CSMD1: variants seen among roughly 807,000 people sequenced by gnomAD.
CSMD1 encodes CUB and sushi domain-containing protein 1.
In CSMD1, 213 loss-of-function variants were observed where a neutral mutation model predicts 417.5. The observed-to-expected ratio is 0.51, with a 90% CI of 0.46 to 0.57. CSMD1 has a LOEUF of 0.57. Among genes scored for constraint, CSMD1 ranks in the 20% least tolerant of loss-of-function variants. CSMD1 has a pLI of 0.00. For missense variants in CSMD1, 6,923 were observed against 4,529.7 expected, an observed-to-expected ratio of 1.53 and a Z score of -15.17; for synonymous variants, 2,862 against 1,736.8, an observed-to-expected ratio of 1.65 and a Z score of -16.11.
At chr8:4,399,622 C>G (rs1425532272) in intron 3 of CSMD1, among the ~76,000 whole-genome samples, 2 of 152,010 alleles carry the variant, frequency 1.3e-5, no homozygotes, top group Non-Finnish European at 2.9e-5. Flanking sequence ...TAACACCATC[C>G]TAGATGTCAA....
At chr8:2,986,439 T>G (rs1015381110) in intron 54 of CSMD1, among the ~76,000 whole-genome samples, 9 of 152,132 alleles carry the variant, frequency 5.9e-5, no homozygotes, top group African/African-American at 2.2e-4. Flanking sequence ...TAAGACTGTG[T>G]TTTCTCTACT....
intron 1 of CSMD1, among the ~76,000 whole-genome samples, chr8:4,871,741 A>G (rs183109217): frequency 6.6e-6 from 1 of 152,190 alleles, no homozygotes; most frequent in Admixed American, 6.5e-5. Context: ...AGTTCATATT[A>G]TTGTATGGGA....
chr8:4,436,009 A>G (rs746075560), intron 2 of CSMD1, among the ~76,000 whole-genome samples: 1 of 152,230 alleles, frequency 6.6e-6, no homozygotes, highest in African/African-American at 2.4e-5. Flanking sequence ...AATTAACTTC[A>G]TACGCAGCAG....
intron 2 of CSMD1, among the ~76,000 whole-genome samples, chr8:4,563,254 A>C (rs1798432441): frequency 6.6e-6 from 1 of 152,100 alleles, no homozygotes; most frequent in Non-Finnish European, 1.5e-5. Context: ...ACAAAAAATT[A>C]GCCGGACATG....
chr8:4,138,035 G>C (rs911776777), intron 3 of CSMD1, among the ~76,000 whole-genome samples: 1 of 126,598 alleles, frequency 7.9e-6, no homozygotes, highest in Non-Finnish European at 1.6e-5. Context: ...CCGCCACCAT[G>C]CCCGGCTAAT....
intron 37 of CSMD1, among the ~76,000 whole-genome samples, chr8:3,166,017 G>C (rs903396963): frequency 1.3e-5 from 2 of 152,070 alleles, no homozygotes; most frequent in Non-Finnish European, 2.9e-5. Context: ...GAAAAAATTA[G>C]ACTATTTATA....
intron 1 of CSMD1, among the ~76,000 whole-genome samples, chr8:4,911,118 C>G (rs115184178): frequency 0.059 from 9,051 of 152,292 alleles, 323 homozygotes; most frequent in Middle Eastern, 0.1. Flanking sequence ...GTCCATTAAA[C>G]CTCTTTCTTT....
chr8:3,224,091 C>T (rs1229333451), intron 27 of CSMD1, among the ~76,000 whole-genome samples: 1 of 152,118 alleles, frequency 6.6e-6, no homozygotes, highest in African/African-American at 2.4e-5. Context: ...TAATATTCCA[C>T]CCCATTTTCA....
In CSMD1 at chr8:3,185,092, C is replaced by T. The variant is rs550715210; in HGVS notation, c.5620+2777G>A. On this transcript the variant is annotated intron_variant, in intron 36 of 69. Transcript: ENST00000635120. ...ATCAAGAACTGAAGGGACCATGGAC[C>T]CCCTAAATTTATAGCCAGTTGGTCA... Among the ~76,000 whole-genome samples, 9 of 152,206 alleles carry T rather than the reference C, an allele frequency of 5.9e-5. No homozygotes were observed. In the South Asian group the frequency reaches 1.9e-3, roughly 32 times the overall value.
chr8:4,570,460 T>C (rs1379345372), intron 2 of CSMD1, among the ~76,000 whole-genome samples: 2 of 152,174 alleles, frequency 1.3e-5, no homozygotes, highest in Non-Finnish European at 2.9e-5. Flanking sequence ...TATTTTGAGC[T>C]AGCCTTGCAT....
intron 1 of CSMD1, among the ~76,000 whole-genome samples, chr8:4,666,027 T>A (rs1376521075): frequency 6.6e-6 from 1 of 152,158 alleles, no homozygotes; most frequent in Non-Finnish European, 1.5e-5. Context: ...TGTTGTCATT[T>A]TTTTTGTTTT....
Position 3,747,967 on chromosome 8 carries a change from A to G in CSMD1, c.931+5963T>C, listed in dbSNP as rs557551830. Among the ~76,000 whole-genome samples, 23 of 152,198 alleles carry G rather than the reference A, an allele frequency of 1.5e-4. 1 individual carries two copies. Among genetic ancestry groups the G allele is most frequent in the African/African-American group, 5.5e-4 (23 of 41,534 alleles). ...CCCACTTTTCTTCCGTTTGTCTAGA[A>G]GTCCACCATGGTTCTCCAAGGTGGA... On this transcript the variant is annotated intron_variant, in intron 6 of 69. Transcript: ENST00000635120.
In CSMD1 at chr8:2,975,857, G is replaced by A. The variant is rs144874448; in HGVS notation, c.8567-1233C>T. On this transcript the variant is annotated intron_variant, in intron 55 of 69. Coordinates refer to ENST00000635120, the MANE Select transcript of CSMD1 (RefSeq NM_033225.6). ...CCAAGCGGAGTGAACTGGCCACCCC[G>A]GAAAAGGAGAGCCAGCTAAACCCCA... 9.2e-5 allele frequency among the ~76,000 whole-genome samples: 14 copies of A among 152,154 alleles called. No individual in the cohort carries two copies. The East Asian group carries it at 2.5e-3, about 27-fold the overall frequency.
At chr8:4,404,669 A>C (rs1031021897) in intron 3 of CSMD1, among the ~76,000 whole-genome samples, 1 of 152,088 alleles carries the variant, frequency 6.6e-6, no homozygotes, top group Non-Finnish European at 1.5e-5. Context: ...TTTATCTTAC[A>C]CTATATTAAA....
intron 7 of CSMD1, among the ~76,000 whole-genome samples, chr8:3,668,144 G>A (rs982260018): frequency 2.6e-5 from 4 of 152,104 alleles, no homozygotes; most frequent in Admixed American, 2.6e-4. Context: ...GACAGATAAC[G>A]AATCTACAGG....
At chr8:4,308,844 C>T (rs996316279) in intron 3 of CSMD1, among the ~76,000 whole-genome samples, 8 of 151,998 alleles carry the variant, frequency 5.3e-5, no homozygotes, top group African/African-American at 1.9e-4. Flanking sequence ...AATGACACCC[C>T]ATATCAAAGG....
At chr8:3,720,652 CA>C (rs1802104121) in intron 6 of CSMD1, among the ~76,000 whole-genome samples, 3 of 151,910 alleles carry the variant, frequency 2.0e-5, no homozygotes, top group African/African-American at 7.3e-5. Context: ...CACACACACA[CA>C]CACCAGCACA....
chr8:4,272,046 T>A (rs1243512042), intron 3 of CSMD1, among the ~76,000 whole-genome samples: 1 of 152,154 alleles, frequency 6.6e-6, no homozygotes, highest in African/African-American at 2.4e-5. Context: ...AAATTGCATG[T>A]AAGTAGACCT....
chr8:3,352,998 G>A (rs1348408453), intron 21 of CSMD1, among the ~76,000 whole-genome samples: 3 of 152,176 alleles, frequency 2.0e-5, no homozygotes, highest in Admixed American at 6.5e-5. Context: ...TAATTAACAT[G>A]CTCAAGATCA....
Sources: gnomAD v4.1 joint callset for allele counts (sites outside exome capture counted in the v4.1 genomes callset) on GRCh38, gnomAD v4.1.1 for gene constraint, MANE v1.5 for transcripts, NCBI Gene and HGNC (gene_info 2026-07-23, HGNC 2026-07-21) for gene names.